Variants in TPP2 observed in about 807,000 individuals in gnomAD.
TPP2 encodes the protein tripeptidyl-peptidase 2.
In TPP2, 34 loss-of-function variants were observed where a neutral mutation model predicts 155.9. That is an observed-to-expected ratio of 0.22 (90% CI 0.17 to 0.29). The LOEUF is 0.29. Ranked by LOEUF, TPP2 falls within the 10% of genes least tolerant of loss-of-function variation. The probability of loss-of-function intolerance (pLI) is 1.00; values close to 1 mark genes in which losing one functional copy is unlikely to be tolerated. For missense variants in TPP2, 1,028 were observed against 1,522.3 expected (o/e 0.68, Z 5.40); for synonymous variants, 510 against 529.4 (o/e 0.96, Z 0.50).
intron 17 of TPP2, among the ~76,000 whole-genome samples, chr13:102,643,704 T>C (rs1303276845): frequency 6.6e-6 from 1 of 152,214 alleles, no homozygotes; most frequent in Non-Finnish European, 1.5e-5. Flanking sequence ...CCTGTTTGCT[T>C]GTCACTTAAC....
intron 1 of TPP2, among the ~76,000 whole-genome samples, chr13:102,598,619 T>C (rs1879179929): frequency 6.6e-6 from 1 of 152,238 alleles, no homozygotes; most frequent in Non-Finnish European, 1.5e-5. Flanking sequence ...TAATAATGCT[T>C]TTCATTCAGC....
intron 28 of TPP2, among the ~76,000 whole-genome samples, chr13:102,675,574 G>A (rs1427917992): frequency 6.6e-6 from 1 of 152,174 alleles, no homozygotes; most frequent in Non-Finnish European, 1.5e-5. Flanking sequence ...GAAACATAAA[G>A]ATGAATAAGA....
intron 6 of TPP2, among the ~76,000 whole-genome samples, chr13:102,625,814 C>A (rs1255270904): frequency 6.6e-6 from 1 of 152,210 alleles, no homozygotes. Flanking sequence ...AGCTCCAACA[C>A]ACTATAGTCC....
intron 2 of TPP2, among the ~76,000 whole-genome samples, chr13:102,607,361 A>C (rs1030998090): frequency 2.0e-5 from 3 of 152,200 alleles, no homozygotes; most frequent in East Asian, 3.9e-4. Flanking sequence ...CATGACACTC[A>C]AAGGAAATGG....
chr13:102,647,284 G>A lies in TPP2; in HGVS notation c.2568G>A (p.Leu856=), dbSNP rs773266399. ...ATGAATCTGAATTTGACAGCCAACT[G>A]TGGATTATTTTTGACCAGAACAAAA... ...LLYESEFDSQ[L]WIIFDQNKRQ... The change falls in exon 21 of 30, where the codon CTG becomes CTA. Residue 856 remains leucine, a synonymous_variant. Transcript: ENST00000376052. 4 of 1,613,902 alleles carry A rather than the reference G, an allele frequency of 2.5e-6. No homozygotes were observed. In the South Asian group the frequency reaches 3.3e-5, roughly 13 times the overall value.
At chr13:102,635,814 G>T in intron 12 of TPP2, 112 bp downstream of exon 12, 1 of 810,062 alleles carries the variant, frequency 1.2e-6, no homozygotes, top group South Asian at 1.8e-5. Flanking sequence ...CTGAATTATG[G>T]ATTATATGGC....
intron 27 of TPP2, among the ~76,000 whole-genome samples, chr13:102,671,089 G>A (rs537858177): frequency 1.3e-5 from 2 of 152,306 alleles, no homozygotes; most frequent in East Asian, 1.9e-4. Context: ...TGAAATTGGC[G>A]AGCTGGCCTT....
At chr13:102,652,904 C>T (rs1330556655) in intron 24 of TPP2, among the ~76,000 whole-genome samples, 1 of 152,082 alleles carries the variant, frequency 6.6e-6, no homozygotes, top group Non-Finnish European at 1.5e-5. Context: ...AAATAGTTTG[C>T]AAGTTACTGC....
In TPP2 at chr13:102,626,993, C is replaced by G. The variant is rs1881670117; in HGVS notation, c.785-19C>G. On this transcript the variant is annotated intron_variant, in intron 6 of 29. Coordinates refer to ENST00000376052, the MANE Select transcript of TPP2 (RefSeq NM_001330588.2). ...GTCCATGAGAATGTTTTGTCATTTCCCCACCTTTGTGTCTCTAGGAGCTCA... is the reference window on the plus strand; with the variant it reads ...GTCCATGAGAATGTTTTGTCATTTCGCCACCTTTGTGTCTCTAGGAGCTCA... 6.7e-7 allele frequency: 1 copy of G among 1,503,094 alleles called. No homozygotes were observed. Among genetic ancestry groups the G allele is most frequent in the African/African-American group, 1.4e-5 (1 of 70,284 alleles). The allele number at this position is 1,503,094 out of a possible 1,614,324, so 93.1% of individuals were successfully genotyped here. A position where few individuals can be genotyped will look rare whatever the true frequency, so the allele number is the denominator to read the frequency against.
chr13:102,648,032 C>T (rs1380712173), intron 21 of TPP2, among the ~76,000 whole-genome samples: 1 of 152,166 alleles, frequency 6.6e-6, no homozygotes, highest in Non-Finnish European at 1.5e-5. Flanking sequence ...AGTCACATCT[C>T]ATTACAGACT....
At chr13:102,629,235 TGTA>T (rs1305654040) in intron 8 of TPP2, among the ~76,000 whole-genome samples, 2 of 152,174 alleles carry the variant, frequency 1.3e-5, no homozygotes, top group Non-Finnish European at 2.9e-5. Flanking sequence ...TTTACTACCT[TGTA>T]GTATATTTTC....
rs72651338 is a variant in TPP2 at position 102,599,717 on chromosome 13, A to G, written c.165+2514A>G. On this transcript the variant is annotated intron_variant, in intron 1 of 29. Coordinates refer to ENST00000376052, the MANE Select transcript of TPP2 (RefSeq NM_001330588.2). The stretch of plus-strand genomic sequence containing the variant: ...AAGTGATTTCATATTTCCTCAGCAG[A>G]TATTCAGGCACCTACCAGGTGCCTA... Among the ~76,000 whole-genome samples, 1,048 of 152,282 alleles carry G rather than the reference A, an allele frequency of 6.9e-3. 8 individuals carry two copies. Among genetic ancestry groups the G allele is most frequent in the Non-Finnish European group, 0.012 (795 of 68,024 alleles).
intron 6 of TPP2, among the ~76,000 whole-genome samples, chr13:102,624,851 C>T (rs1479587740): frequency 4.4e-4 from 19 of 43,470 alleles, no homozygotes; most frequent in Non-Finnish European, 6.2e-4. Flanking sequence ...TTTTTTTTTT[C>T]CTTTTTTTTT....
Position 102,676,361 on chromosome 13 carries a change from A to G in TPP2, c.3645A>G (p.Ala1215=), listed in dbSNP as rs1464983767. 6.2e-7 allele frequency: 1 copy of G among 1,611,122 alleles called. No homozygotes were observed. The highest frequency in any genetic ancestry group is 8.5e-7 in the Non-Finnish European group (1 of 1,178,056). The change falls in exon 29 of 30, where the codon GCA becomes GCG. Residue 1215 remains alanine, a synonymous_variant. Coordinates refer to ENST00000376052, the MANE Select transcript of TPP2 (RefSeq NM_001330588.2). ...TGTATGGGAGAGGCCTTAAATTTGC[A>G]ACTAAACTTGTGGAAGAAAAACCAA... ...NKMYGRGLKF[A]TKLVEEKPTK...
chr13:102,621,642 A>G (rs1049733664), intron 5 of TPP2, among the ~76,000 whole-genome samples: 1 of 152,188 alleles, frequency 6.6e-6, no homozygotes, highest in Admixed American at 6.5e-5. Context: ...GTTGGAAGAC[A>G]TGGAAGGTTT....
chr13:102,678,167 T>C (rs530396697), intron 29 of TPP2, 60 bp from the exon 30 acceptor site: 2 of 1,490,028 alleles, frequency 1.3e-6, no homozygotes, highest in South Asian at 1.2e-5. Context: ...TTATTCTAAA[T>C]ACTGAGCTTA....
chr13:102,665,909 C>G (rs1411659805), intron 27 of TPP2, among the ~76,000 whole-genome samples: 1 of 152,074 alleles, frequency 6.6e-6, no homozygotes, highest in East Asian at 1.9e-4. Flanking sequence ...TCTTATGAAT[C>G]TTACAAGCAA....
chr13:102,663,832 T>C, intron 26 of TPP2, 88 bp downstream of exon 26: 3 of 1,006,666 alleles, frequency 3.0e-6, no homozygotes, highest in Non-Finnish European at 4.2e-6. Flanking sequence ...CTTTCTCTTC[T>C]GTTCTTGCTA....
chr13:102,618,972 A>G (rs2139452159), intron 5 of TPP2, 126 bp downstream of exon 5: 2 of 1,242,164 alleles, frequency 1.6e-6, no homozygotes, highest in South Asian at 2.0e-5. Context: ...AAAATCATTT[A>G]AGGGCCAAAT....
Sources: gnomAD v4.1 joint callset for allele counts (sites outside exome capture counted in the v4.1 genomes callset) on GRCh38, gnomAD v4.1.1 for gene constraint, MANE v1.5 for transcripts, NCBI Gene and HGNC (gene_info 2026-07-23, HGNC 2026-07-21) for gene names.